MAP2: variants seen among roughly 807,000 people sequenced by gnomAD.
The protein encoded by MAP2 is microtubule-associated protein 2.
A neutral mutation model predicts 137.6 loss-of-function variants in MAP2; 14 were observed. The observed-to-expected ratio is 0.10, with a 90% confidence interval of 0.07 to 0.16. MAP2 has a LOEUF of 0.16. MAP2 is among the 10% of genes least tolerant of loss of function. The pLI is 1.00. For synonymous variants in MAP2, 786 were observed against 782.3 expected, an observed-to-expected ratio of 1.00 and a Z score of -0.08; for missense variants, 2,088 against 2,191.5, an observed-to-expected ratio of 0.95 and a Z score of 0.94.
At chr2:209,509,466 G>T (rs1030739576) in intron 2 of MAP2, among the ~76,000 whole-genome samples, 2 of 151,936 alleles carry the variant, frequency 1.3e-5, no homozygotes, top group Non-Finnish European at 2.9e-5. Flanking sequence ...ACTTGGATAT[G>T]TGTGGTTTAG....
chr2:209,425,670 T>C (rs2149223565), intron 1 of MAP2, among the ~76,000 whole-genome samples: 1 of 152,338 alleles, frequency 6.6e-6, no homozygotes, highest in African/African-American at 2.4e-5. Context: ...AACAAAGCCT[T>C]CTATGTGAGC....
chr2:209,694,814 C>G lies in MAP2; in HGVS notation c.2644C>G (p.Pro882Ala). Residue 882 changes from proline (P) to alanine (A), a missense_variant, in exon 8 of 16, where the codon CCT becomes GCT. Physicochemically the swap from Pro to Ala is conservative, Grantham distance 27. Around this residue, in one of 6 missense-constraint regions of MAP2, gnomAD observed 500 missense variants for 482.9 expected, o/e 1.04. Transcript: ENST00000682079. ...TAAGTACACAGTCCCATTGCCATCACCTGTTCAAGACAGTGAGAATTTATC... is the reference window on the plus strand; with the variant it reads ...TAAGTACACAGTCCCATTGCCATCAGCTGTTCAAGACAGTGAGAATTTATC... Reference protein sequence around the residue: ...FNKYTVPLPSPVQDSENLSGE... With the variant: ...FNKYTVPLPSAVQDSENLSGE... The G allele has an allele frequency of 1.2e-6, 2 of 1,614,146 alleles. No homozygotes were observed. Among genetic ancestry groups the G allele is most frequent in the Non-Finnish European group, 1.7e-6 (2 of 1,180,012 alleles).
At chr2:209,601,294 G>C (rs905677784) in intron 3 of MAP2, among the ~76,000 whole-genome samples, 1 of 151,664 alleles carries the variant, frequency 6.6e-6, no homozygotes, top group South Asian at 2.1e-4. Context: ...TTTTTTTCAA[G>C]TTATAATAAT....
At chr2:209,635,983 T>C (rs2093524617) in intron 4 of MAP2, among the ~76,000 whole-genome samples, 3 of 152,176 alleles carry the variant, frequency 2.0e-5, no homozygotes, top group Admixed American at 2.0e-4. Flanking sequence ...TGATTCCTTC[T>C]GAGTATCTCT....
In MAP2 at chr2:209,696,119, C is replaced by A. The variant is rs1335786907; in HGVS notation, c.3949C>A (p.Pro1317Thr). 1 of 1,613,392 alleles carries A rather than the reference C, an allele frequency of 6.2e-7. No homozygotes were observed. The highest frequency in any genetic ancestry group is 1.7e-5 in the Admixed American group (1 of 59,940). Residue 1317 changes from proline (P) to threonine (T), a missense_variant, in exon 8 of 16, where the codon CCT (proline) becomes ACT (threonine). Coordinates refer to ENST00000682079, the MANE Select transcript of MAP2 (RefSeq NM_001375505.1). ...HSVRFAALEQ[P>T]EVERRPSPHD... ...CGTGCGTTTTGCAGCCCTAGAGCAG[C>A]CTGAGGTGGAAAGGAGACCATCTCC...
At chr2:209,428,922 A>ATTTT (rs1308865956) in intron 1 of MAP2, among the ~76,000 whole-genome samples, 7 of 133,360 alleles carry the variant, frequency 5.2e-5, no homozygotes, top group East Asian at 4.7e-4. Context: ...ACTTTATTTT[A>ATTTT]TTTTATTTAT....
chr2:209,731,440 G>A lies in MAP2; in HGVS notation c.*1043G>A, dbSNP rs1202414609. On this transcript the variant is annotated 3_prime_UTR_variant, in exon 16 of 16. Coordinates refer to ENST00000682079, the MANE Select transcript of MAP2 (RefSeq NM_001375505.1). ...GATACAAGTCTCTCCCGTGATGCTA[G>A]ACAAAAAATTATTTTTCTTTGCTTT... The A allele has an allele frequency of 6.6e-6, 1 of 152,510 alleles. No individual in the cohort carries two copies. The highest frequency in any genetic ancestry group is 2.1e-4 in the South Asian group (1 of 4,820). The allele number at this position is 152,510 out of a possible 1,614,324, so 9.4% of individuals were successfully genotyped here.
intron 4 of MAP2, among the ~76,000 whole-genome samples, chr2:209,644,919 A>G (rs1290283489): frequency 1.3e-5 from 2 of 152,162 alleles, no homozygotes; most frequent in African/African-American, 4.8e-5. Context: ...TTATCCAGAG[A>G]AAATAAATTC....
Position 209,694,945 on chromosome 2 carries a change from C to G in MAP2, c.2775C>G (p.Val925=), listed in dbSNP as rs1583684408. 3 of 1,614,080 alleles carry G rather than the reference C, an allele frequency of 1.9e-6. No homozygotes were observed. In the East Asian group the frequency reaches 6.7e-5, roughly 36 times the overall value. The change falls in exon 8 of 16, where the codon GTC becomes GTG. Residue 925 remains valine, a synonymous_variant. Transcript: ENST00000682079. ...IEVKLAAAGR[V]KDEFSVDKEA... ...TGAAACTGGCAGCAGCCGGAAGAGT[C>G]AAAGATGAGTTCAGTGTTGACAAAG...
At chr2:209,494,441 A>AAAAC (rs1553560003) in intron 1 of MAP2, among the ~76,000 whole-genome samples, 1 of 151,852 alleles carries the variant, frequency 6.6e-6, no homozygotes, top group Non-Finnish European at 1.5e-5. Context: ...TTAAAAAAAA[A>AAAAC]AAAAAGCCAG....
intron 2 of MAP2, among the ~76,000 whole-genome samples, chr2:209,562,354 T>A (rs1187271470): frequency 1.3e-5 from 2 of 151,800 alleles, no homozygotes; most frequent in Non-Finnish European, 2.9e-5. Flanking sequence ...CTGGAGCATA[T>A]GAGTCACAAA....
At chr2:209,479,664 T>C (rs1708254240) in intron 1 of MAP2, among the ~76,000 whole-genome samples, 1 of 152,138 alleles carries the variant, frequency 6.6e-6, no homozygotes, top group Non-Finnish European at 1.5e-5. Flanking sequence ...TGTAATTAAA[T>C]GCAGTGTACC....
chr2:209,713,445 G>A (rs951280936), intron 13 of MAP2, among the ~76,000 whole-genome samples: 1 of 152,094 alleles, frequency 6.6e-6, no homozygotes, highest in Non-Finnish European at 1.5e-5. Context: ...GAAGATACAA[G>A]GAGCTTTACA....
At chr2:209,565,755 C>G (rs2073265173) in intron 2 of MAP2, among the ~76,000 whole-genome samples, 1 of 152,182 alleles carries the variant, frequency 6.6e-6, no homozygotes. Flanking sequence ...TTCATCCTCT[C>G]TAGTACAAAA....
rs779219128 is a variant in MAP2 at position 209,733,764 on chromosome 2, A to C, written c.*3367A>C. 28 of 152,596 alleles carry C rather than the reference A, an allele frequency of 1.8e-4. No individual in the cohort carries two copies. The highest frequency in any genetic ancestry group is 3.4e-3 in the Middle Eastern group (1 of 294). The allele number at this position is 152,596 out of a possible 1,614,324, so 9.5% of individuals were successfully genotyped here. On this transcript the variant is annotated 3_prime_UTR_variant, in exon 16 of 16. Coordinates refer to ENST00000682079, the MANE Select transcript of MAP2 (RefSeq NM_001375505.1). ...TGATGTTTTGAGTTTTTTTACACCT[A>C]GGATTTTTAGCTTGGGTGTGTAGGT...
chr2:209,597,474 C>T (rs1437395386), intron 3 of MAP2, among the ~76,000 whole-genome samples: 1 of 152,190 alleles, frequency 6.6e-6, no homozygotes, highest in African/African-American at 2.4e-5. Context: ...CTCCGTCTCT[C>T]ATCATCTTGA....
At chr2:209,631,273 CTG>C (rs999891494) in intron 4 of MAP2, among the ~76,000 whole-genome samples, 1 of 152,006 alleles carries the variant, frequency 6.6e-6, no homozygotes, top group Non-Finnish European at 1.5e-5. Context: ...ATGTGGGTGT[CTG>C]TGTGTTTACA....
At chr2:209,510,909 T>A (rs2061647012) in intron 2 of MAP2, among the ~76,000 whole-genome samples, 1 of 152,004 alleles carries the variant, frequency 6.6e-6, no homozygotes. Context: ...TATAGTTTTC[T>A]TGAGAAAGAG....
At chr2:209,506,982 G>A in intron 1 of MAP2, among the ~76,000 whole-genome samples, 1 of 152,122 alleles carries the variant, frequency 6.6e-6, no homozygotes. Context: ...CCTGCTTCCT[G>A]TTTTTTCCTC....
Sources: allele counts gnomAD v4.1 joint callset (sites outside exome capture counted in the v4.1 genomes callset), GRCh38; gene constraint gnomAD v4.1.1; regional missense constraint gnomAD v4.1.1; transcripts MANE v1.5; gene names NCBI Gene and HGNC (gene_info 2026-07-23, HGNC 2026-07-21).